Variants in PTPN14 observed in about 807,000 individuals in gnomAD.
PTPN14 encodes the protein protein tyrosine phosphatase non-receptor type 14, also known as tyrosine-protein phosphatase non-receptor type 14.
In PTPN14, 53 loss-of-function variants were observed where a neutral mutation model predicts 126.8. The observed-to-expected ratio is 0.42, with a 90% CI of 0.34 to 0.53. The LOEUF (loss-of-function observed/expected upper bound fraction) is 0.53. PTPN14 is among the 20% of genes least tolerant of loss of function. The pLI, the probability that PTPN14 is intolerant of heterozygous loss-of-function variation, is 0.08. For missense variants in PTPN14, 1,257 were observed against 1,552.9 expected (o/e 0.81, Z 3.20); for synonymous variants, 630 against 599.3 (o/e 1.05, Z -0.75).
chr1:214,403,188 G>A (rs983511764), intron 5 of PTPN14, among the ~76,000 whole-genome samples: 12 of 152,144 alleles, frequency 7.9e-5, no homozygotes, highest in African/African-American at 1.4e-4. Context: ...GGGTTGCCGC[G>A]TAAGTTCTGT....
chr1:214,351,517 G>A lies in PTPN14; in HGVS notation c.*6405C>T, dbSNP rs1228553339. ...CTCTGCAGCACCTCTGAGATCACAG[G>A]GGAGAAGAATCAAGAAATCCAAGAG... is the stretch of plus-strand genomic sequence containing the variant. On this transcript the variant is annotated 3_prime_UTR_variant, in exon 19 of 19. Coordinates refer to ENST00000366956, the MANE Select transcript of PTPN14 (RefSeq NM_005401.5). 1.3e-5 allele frequency: 2 copies of A among 152,212 alleles called. No homozygotes were observed. The highest frequency in any genetic ancestry group is 4.8e-5 in the African/African-American group (2 of 41,434). The allele number at this position is 152,212 out of a possible 1,614,324, so 9.4% of individuals were successfully genotyped here.
chr1:214,370,319 G>A (rs1571954962), intron 16 of PTPN14, among the ~76,000 whole-genome samples: 2 of 151,908 alleles, frequency 1.3e-5, no homozygotes, highest in East Asian at 3.9e-4. Context: ...GAAGGTCTTC[G>A]GGGTGGCTGG....
chr1:214,366,083 C>T (rs1030197771), intron 17 of PTPN14, among the ~76,000 whole-genome samples: 1 of 152,174 alleles, frequency 6.6e-6, no homozygotes, highest in Admixed American at 6.5e-5. Flanking sequence ...GAGGCTGAGA[C>T]AGGAGAATTG....
At chr1:214,465,837 C>G (rs1660621402) in intron 1 of PTPN14, among the ~76,000 whole-genome samples, 1 of 149,568 alleles carries the variant, frequency 6.7e-6, no homozygotes. Context: ...GTAACACTGC[C>G]TCTTTACTCT....
chr1:214,462,999 T>C (rs1243249945), intron 2 of PTPN14, among the ~76,000 whole-genome samples: 1 of 152,222 alleles, frequency 6.6e-6, no homozygotes, highest in African/African-American at 2.4e-5. Flanking sequence ...TGCCATTTTA[T>C]AGGTAGGAAA....
At chr1:214,370,071 G>C (rs1658180410) in intron 16 of PTPN14, among the ~76,000 whole-genome samples, 1 of 152,174 alleles carries the variant, frequency 6.6e-6, no homozygotes, top group Non-Finnish European at 1.5e-5. Flanking sequence ...ACAAGGTCAG[G>C]AGATCGAGAC....
intron 1 of PTPN14, among the ~76,000 whole-genome samples, chr1:214,486,519 T>C (rs1361555832): frequency 6.6e-6 from 1 of 152,224 alleles, no homozygotes; most frequent in Non-Finnish European, 1.5e-5. Context: ...GCTGACAGTG[T>C]TGTATAAAAC....
intron 18 of PTPN14, 38 bp from the exon 19 acceptor site, chr1:214,358,088 G>A (rs1657867572): frequency 6.2e-7 from 1 of 1,606,064 alleles, no homozygotes; most frequent in South Asian, 1.1e-5. Flanking sequence ...TCCTGAGACA[G>A]GAGGCTTCCC....
chr1:214,532,627 T>C (rs1200567629), intron 1 of PTPN14: 18 of 892,400 alleles, frequency 2.0e-5, no homozygotes, highest in Non-Finnish European at 1.9e-6. Context: ...GGACAATGCC[T>C]GCATCGTTCT....
intron 1 of PTPN14, among the ~76,000 whole-genome samples, chr1:214,526,122 C>G (rs548168088): frequency 1.3e-5 from 2 of 152,074 alleles, no homozygotes; most frequent in African/African-American, 4.8e-5. Flanking sequence ...CACACCACCA[C>G]GCCCAGCTAA....
At chr1:214,386,995 G>T in intron 11 of PTPN14, 73 bp from the exon 12 acceptor site, 2 of 1,366,898 alleles carry the variant, frequency 1.5e-6, no homozygotes, top group Non-Finnish European at 2.0e-6. Context: ...GCCGGCCCAG[G>T]CACACGGCAG....
At chr1:214,432,708 T>C (rs1659822386) in intron 3 of PTPN14, among the ~76,000 whole-genome samples, 1 of 150,886 alleles carries the variant, frequency 6.6e-6, no homozygotes, top group Non-Finnish European at 1.5e-5. Context: ...TCAAAGAGCA[T>C]ATACTGTATT....
At chr1:214,453,362 A>G (rs1660310777) in intron 2 of PTPN14, among the ~76,000 whole-genome samples, 1 of 152,224 alleles carries the variant, frequency 6.6e-6, no homozygotes, top group African/African-American at 2.4e-5. Flanking sequence ...GGCTGAATAG[A>G]AAGAAAACAG....
chr1:214,457,999 AT>A (rs1660419857), intron 2 of PTPN14, among the ~76,000 whole-genome samples: 1 of 2,686 alleles, frequency 3.7e-4, no homozygotes. Context: ...TTTCATCTAT[AT>A]CTATATCTAT....
chr1:214,510,588 G>A (rs1654950110), intron 1 of PTPN14, among the ~76,000 whole-genome samples: 1 of 152,184 alleles, frequency 6.6e-6, no homozygotes, highest in African/African-American at 2.4e-5. Context: ...TCAGCTTTCT[G>A]AATAAAAACT....
At chr1:214,370,063 A>C (rs1454173024) in intron 16 of PTPN14, among the ~76,000 whole-genome samples, 1 of 152,138 alleles carries the variant, frequency 6.6e-6, no homozygotes, top group East Asian at 1.9e-4. Context: ...CGTGGATCAC[A>C]AGGTCAGGAG....
At chr1:214,545,765 C>T (rs185691196) in intron 1 of PTPN14, among the ~76,000 whole-genome samples, 76 of 152,250 alleles carry the variant, frequency 5.0e-4, no homozygotes, top group Non-Finnish European at 3.1e-4. Context: ...CAATAGATAG[C>T]AATGTCACTG....
intron 1 of PTPN14, among the ~76,000 whole-genome samples, chr1:214,539,767 A>G (rs535914214): frequency 6.6e-6 from 1 of 152,312 alleles, no homozygotes; most frequent in African/African-American, 2.4e-5. Flanking sequence ...ATTAGTGCAT[A>G]TTCACGGGCA....
At chr1:214,495,440 C>A (rs1022494045) in intron 1 of PTPN14, among the ~76,000 whole-genome samples, 9 of 152,014 alleles carry the variant, frequency 5.9e-5, no homozygotes, top group Admixed American at 5.9e-4. Flanking sequence ...AAGATGACAC[C>A]AAAACCAAAA....
Sources: gnomAD v4.1 joint callset for allele counts (sites outside exome capture counted in the v4.1 genomes callset) on GRCh38, gnomAD v4.1.1 for gene constraint, MANE v1.5 for transcripts, NCBI Gene and HGNC (gene_info 2026-07-23, HGNC 2026-07-21) for gene names.